SYNPO2: variants seen among roughly 807,000 people sequenced by gnomAD.
SYNPO2 encodes synaptopodin-2.
SYNPO2 carries 56 observed loss-of-function variants against 85.0 expected under a neutral mutation model. The ratio of observed to expected loss-of-function variants is 0.66; its 90% CI spans 0.53 to 0.82. The LOEUF (loss-of-function observed/expected upper bound fraction) is 0.82. Among genes scored for constraint, SYNPO2 ranks in the 40% least tolerant of loss-of-function variants. SYNPO2 has a pLI of 0.00. For missense variants in SYNPO2, 1,575 were observed against 1,534.2 expected (o/e 1.03, Z -0.44); for synonymous variants, 602 against 591.1 (o/e 1.02, Z -0.27).
intron 4 of SYNPO2, chr4:119,042,570 T>C (rs1738749145): frequency 6.6e-6 from 1 of 152,240 alleles, no homozygotes; most frequent in Non-Finnish European, 1.5e-5. Context: ...GAATGCTTAT[T>C]AGCTTTTTAA....
chr4:118,940,227 G>A (rs1007704655), intron 1 of SYNPO2, among the ~76,000 whole-genome samples: 4 of 151,600 alleles, frequency 2.6e-5, no homozygotes, highest in Admixed American at 6.6e-5. Context: ...CTCATGATCC[G>A]TCCGTCTCAT....
intron 1 of SYNPO2, among the ~76,000 whole-genome samples, chr4:118,976,468 CTAGCGG>C (rs1735744163): frequency 6.6e-6 from 1 of 152,096 alleles, no homozygotes; most frequent in Non-Finnish European, 1.5e-5. Context: ...GAAGGGGACC[CTAGCGG>C]GTTGCCAATG....
intron 1 of SYNPO2, among the ~76,000 whole-genome samples, chr4:119,004,188 C>T (rs1051396899): frequency 6.6e-6 from 1 of 152,026 alleles, no homozygotes. Context: ...TCACTATTCC[C>T]AAGTCTGTCC....
intron 1 of SYNPO2, among the ~76,000 whole-genome samples, chr4:118,974,253 G>A (rs1198322711): frequency 6.6e-6 from 1 of 152,210 alleles, no homozygotes. Context: ...ATCTCACACA[G>A]GTATTGTATC....
intron 1 of SYNPO2, among the ~76,000 whole-genome samples, chr4:118,919,816 T>C (rs1733475159): frequency 6.6e-6 from 1 of 152,116 alleles, no homozygotes; most frequent in South Asian, 2.1e-4. Context: ...AGTACAGGAG[T>C]TGGCTACAAC....
chr4:118,915,956 T>C lies in SYNPO2; in HGVS notation c.105+26815T>C, dbSNP rs549878727. Among the ~76,000 whole-genome samples, 10 of 152,308 alleles carry C rather than the reference T, an allele frequency of 6.6e-5. No individual in the cohort carries two copies. In the South Asian group the frequency reaches 2.1e-3, roughly 32 times the overall value. ...ATGACTACCACGTAAATTAAATATC[T>C]CTTCATACATTTATTGGCTGTGTGT... On this transcript the variant is annotated intron_variant, in intron 1 of 4. Coordinates refer to ENST00000307142, the MANE Select transcript of SYNPO2 (RefSeq NM_133477.3).
intron 1 of SYNPO2, among the ~76,000 whole-genome samples, chr4:118,909,015 A>G (rs1291584533): frequency 6.6e-6 from 1 of 152,146 alleles, no homozygotes; most frequent in Non-Finnish European, 1.5e-5. Flanking sequence ...CTTCTGATCC[A>G]TTGTTCAATT....
At chr4:119,032,809 C>T (rs1489234160) in intron 4 of SYNPO2, 16 of 875,568 alleles carry the variant, frequency 1.8e-5, no homozygotes, top group East Asian at 1.2e-4. Context: ...TGCTTGAGGC[C>T]GGGAGTTGGA....
chr4:118,911,742 T>A (rs1733142851), intron 1 of SYNPO2, among the ~76,000 whole-genome samples: 1 of 152,220 alleles, frequency 6.6e-6, no homozygotes, highest in African/African-American at 2.4e-5. Context: ...GCTCTTTAGA[T>A]CATTAATTCT....
At chr4:119,008,578 G>A (rs983417) in intron 1 of SYNPO2, among the ~76,000 whole-genome samples, 130,533 of 152,190 alleles carry the variant, frequency 0.86, 56,092 homozygotes, top group South Asian at 0.94. Context: ...AAGAGTAGGT[G>A]TTTGATGTTT....
chr4:119,022,707 A>T (rs4833600), intron 1 of SYNPO2, among the ~76,000 whole-genome samples: 39 of 103,092 alleles, frequency 3.8e-4, no homozygotes, highest in South Asian at 1.3e-3. Context: ...ATTTTATTTT[A>T]TATTTTATTT....
intron 1 of SYNPO2, among the ~76,000 whole-genome samples, chr4:118,970,763 G>A (rs553183456): frequency 3.3e-4 from 50 of 152,304 alleles, no homozygotes; most frequent in Non-Finnish European, 5.9e-4. Flanking sequence ...GCTTTCTAAA[G>A]GTTCCCTTCA....
In SYNPO2 at chr4:119,006,404, C is replaced by G. The variant is rs145831780; in HGVS notation, c.106-17026C>G. The G allele has an allele frequency of 2.5e-4, 38 of 152,250 alleles. No individual in the cohort carries two copies. In the East Asian group the frequency reaches 7.3e-3, roughly 29 times the overall value. 9.4% of individuals were successfully genotyped at this position (152,250 alleles called of 1,614,324 possible). On this transcript the variant is annotated intron_variant, in intron 1 of 4. Transcript: ENST00000307142. ...TGGAGAAAGACCCCAAAACTATTTCCTTGGCTGTCAGCACCAGAAATATTC... is the reference window on the plus strand; with the variant it reads ...TGGAGAAAGACCCCAAAACTATTTCGTTGGCTGTCAGCACCAGAAATATTC...
At chr4:119,043,042 T>TTTGC (rs1738762989) in intron 4 of SYNPO2, 1 of 73,298 alleles carries the variant, frequency 1.4e-5, no homozygotes, top group Non-Finnish European at 2.8e-5. Flanking sequence ...TTCATTGTAT[T>TTTGC]TTGTTTGTTT....
chr4:118,963,187 C>T (rs1488319638), intron 1 of SYNPO2, among the ~76,000 whole-genome samples: 2 of 152,174 alleles, frequency 1.3e-5, no homozygotes, highest in African/African-American at 4.8e-5. Flanking sequence ...CCACAAGGCA[C>T]CCTAGGCAAG....
At chr4:118,889,584 C>T (rs191288029) in intron 1 of SYNPO2, among the ~76,000 whole-genome samples, 1 of 152,200 alleles carries the variant, frequency 6.6e-6, no homozygotes, top group East Asian at 1.9e-4. Flanking sequence ...TTGGTAGTGA[C>T]ATTTATTATG....
intron 1 of SYNPO2, among the ~76,000 whole-genome samples, chr4:118,938,240 A>AC (rs1329859774): frequency 6.6e-6 from 1 of 151,988 alleles, no homozygotes; most frequent in African/African-American, 2.4e-5. Flanking sequence ...AATTGCTTGA[A>AC]CCCGGGAAGT....
intron 1 of SYNPO2, among the ~76,000 whole-genome samples, chr4:118,901,536 T>G (rs1291689446): frequency 1.3e-5 from 2 of 152,256 alleles, no homozygotes; most frequent in East Asian, 3.8e-4. Flanking sequence ...AAGAGTCAGC[T>G]CTGCTGTATT....
chr4:119,012,231 A>G (rs1737338071), intron 1 of SYNPO2, among the ~76,000 whole-genome samples: 1 of 152,022 alleles, frequency 6.6e-6, no homozygotes, highest in Non-Finnish European at 1.5e-5. Context: ...CCACCTCTCT[A>G]TAGACTGAAT....
Sources: gnomAD v4.1 joint callset for allele counts (sites outside exome capture counted in the v4.1 genomes callset) on GRCh38, gnomAD v4.1.1 for gene constraint, MANE v1.5 for transcripts, NCBI Gene and HGNC (gene_info 2026-07-23, HGNC 2026-07-21) for gene names.